The following ZDHHC2 variants were observed in gnomAD, a reference collection of about 807,000 sequenced individuals.
The protein encoded by ZDHHC2 is palmitoyltransferase ZDHHC2.
A neutral mutation model predicts 55.6 loss-of-function variants in ZDHHC2; 51 were observed. The ratio of observed to expected loss-of-function variants is 0.92; its 90% CI spans 0.73 to 1.16. ZDHHC2 has a LOEUF of 1.16. ZDHHC2 is among the 50% of genes most tolerant of loss of function. ZDHHC2 has a pLI of 0.00. For synonymous variants in ZDHHC2, 199 were observed against 152.9 expected (o/e 1.30, Z -2.22); for missense variants, 491 against 442.4 (o/e 1.11, Z -0.99).
rs1017954650 is a variant in ZDHHC2 at position 17,208,121 on chromosome 8, A to T, written c.730+29A>T. ...AGTATCCAATTATTGTAGTTGACAG[A>T]ACTTTAAATACGTATACCAACATTC... On this transcript the variant is annotated intron_variant, in intron 8 of 12. Transcript: ENST00000262096. 4 of 1,521,426 alleles carry T rather than the reference A, an allele frequency of 2.6e-6. No individual in the cohort carries two copies. In the African/African-American group the frequency reaches 4.1e-5, roughly 16 times the overall value. The allele number at this position is 1,521,426 out of a possible 1,614,324, so 94.2% of individuals were successfully genotyped here. A position where few individuals can be genotyped will look rare whatever the true frequency, so the allele number is the denominator to read the frequency against.
intron 12 of ZDHHC2, among the ~76,000 whole-genome samples, chr8:17,218,677 A>C (rs1440694024): frequency 6.6e-6 from 1 of 152,192 alleles, no homozygotes; most frequent in Non-Finnish European, 1.5e-5. Context: ...GATTTTATTA[A>C]TTCAAATATG....
intron 1 of ZDHHC2, among the ~76,000 whole-genome samples, chr8:17,165,011 AT>A (rs1443748398): frequency 6.6e-6 from 1 of 152,152 alleles, no homozygotes; most frequent in Non-Finnish European, 1.5e-5. Context: ...TTTTCACCAG[AT>A]TTGTAGGGAT....
intron 1 of ZDHHC2, among the ~76,000 whole-genome samples, chr8:17,171,264 C>T (rs976626633): frequency 2.0e-5 from 3 of 152,166 alleles, no homozygotes; most frequent in Admixed American, 2.0e-4. Context: ...TACAGCTGCC[C>T]TCAAATCTGC....
chr8:17,207,558 G>A (rs1485583761), intron 7 of ZDHHC2, among the ~76,000 whole-genome samples: 1 of 151,928 alleles, frequency 6.6e-6, no homozygotes, highest in Non-Finnish European at 1.5e-5. Context: ...TTCATTTTCT[G>A]GCATTATAAT....
intron 9 of ZDHHC2, 39 bp downstream of exon 9, chr8:17,210,097 A>G (rs1807302726): frequency 6.4e-7 from 1 of 1,556,754 alleles, no homozygotes; most frequent in Non-Finnish European, 8.7e-7. Context: ...TAAACTAATG[A>G]AAATAATACA....
chr8:17,177,029 A>C (rs1805172787), intron 1 of ZDHHC2, among the ~76,000 whole-genome samples: 1 of 152,214 alleles, frequency 6.6e-6, no homozygotes, highest in Non-Finnish European at 1.5e-5. Context: ...TTTGACCTCT[A>C]ATACACTAAA....
At chr8:17,212,951 C>G (rs761333351) in intron 10 of ZDHHC2, among the ~76,000 whole-genome samples, 1 of 152,142 alleles carries the variant, frequency 6.6e-6, no homozygotes, top group Non-Finnish European at 1.5e-5. Flanking sequence ...CAGCCTCACA[C>G]TCCTGGGCTC....
intron 6 of ZDHHC2, among the ~76,000 whole-genome samples, chr8:17,200,805 C>G (rs1036077712): frequency 2.0e-5 from 3 of 152,196 alleles, no homozygotes; most frequent in African/African-American, 7.2e-5. Context: ...CATGCCTACA[C>G]ACCACCTGCT....
chr8:17,186,486 T>C (rs1201372015), intron 3 of ZDHHC2, 61 bp downstream of exon 3: 12 of 993,672 alleles, frequency 1.2e-5, no homozygotes, highest in South Asian at 2.1e-5. Context: ...TGATGTATTA[T>C]TGAAGAACGA....
intron 1 of ZDHHC2, among the ~76,000 whole-genome samples, chr8:17,183,336 G>A (rs1805530467): frequency 6.6e-6 from 1 of 152,190 alleles, no homozygotes; most frequent in Non-Finnish European, 1.5e-5. Flanking sequence ...AGAAAGAAAT[G>A]CATACCTGTG....
intron 3 of ZDHHC2, among the ~76,000 whole-genome samples, chr8:17,195,210 A>C (rs1806244483): frequency 6.6e-6 from 1 of 152,158 alleles, no homozygotes; most frequent in South Asian, 2.1e-4. Context: ...ATTTTGTTGG[A>C]ACTCTACGGT....
At chr8:17,217,352 T>C (rs142257332) in intron 12 of ZDHHC2, 106 bp downstream of exon 12, 7 of 832,380 alleles carry the variant, frequency 8.4e-6, no homozygotes, top group East Asian at 5.8e-5. Flanking sequence ...GTGATTCATA[T>C]AGAAGATCTT....
chr8:17,166,688 G>GAGC (rs1251040463), intron 1 of ZDHHC2, among the ~76,000 whole-genome samples: 5 of 152,136 alleles, frequency 3.3e-5, no homozygotes, highest in African/African-American at 1.2e-4. Flanking sequence ...GACTGAGAAG[G>GAGC]AGCGCCCAAT....
At chr8:17,171,231 T>C (rs1051557783) in intron 1 of ZDHHC2, among the ~76,000 whole-genome samples, 2 of 152,192 alleles carry the variant, frequency 1.3e-5, no homozygotes, top group Non-Finnish European at 2.9e-5. Flanking sequence ...CATACAACTC[T>C]ATCTAAACAG....
At chr8:17,199,796 G>A (rs1806646056) in intron 6 of ZDHHC2, among the ~76,000 whole-genome samples, 1 of 130,050 alleles carries the variant, frequency 7.7e-6, no homozygotes, top group South Asian at 2.4e-4. Flanking sequence ...GTCTCGCTCT[G>A]TCGCCCAGGC....
Position 17,203,511 on chromosome 8 carries a change from GGCGTCA to G in ZDHHC2, c.477-2141_477-2136del, listed in dbSNP as rs572126806. On this transcript the variant is annotated intron_variant, in intron 6 of 12. Transcript: ENST00000262096. ...GGCCCCCTAAAGTGCTGGGATTACA[GGCGTCA>G]GCCACCACGCCCACCCATATTGTCC... Among the ~76,000 whole-genome samples the G allele has an allele frequency of 9.2e-5, 14 of 152,238 alleles. No homozygotes were observed. In the East Asian group the frequency reaches 2.7e-3, roughly 30 times the overall value.
chr8:17,209,837 A>G (rs1807288176), intron 8 of ZDHHC2, 95 bp from the exon 9 acceptor site: 5 of 1,390,842 alleles, frequency 3.6e-6, no homozygotes, highest in East Asian at 2.6e-5. Flanking sequence ...ATTGATTTTC[A>G]GAGTTTCTTC....
intron 11 of ZDHHC2, among the ~76,000 whole-genome samples, chr8:17,216,778 G>A (rs1283653036): frequency 6.6e-6 from 1 of 152,060 alleles, no homozygotes; most frequent in Non-Finnish European, 1.5e-5. Flanking sequence ...ATGATGTATA[G>A]GAAGGAAAAG....
chr8:17,206,940 G>A (rs1017625916), intron 7 of ZDHHC2, among the ~76,000 whole-genome samples: 1 of 152,184 alleles, frequency 6.6e-6, no homozygotes, highest in African/African-American at 2.4e-5. Flanking sequence ...AAAGACATGA[G>A]TGAAGAGACC....
Sources: gnomAD v4.1 joint callset for allele counts (sites outside exome capture counted in the v4.1 genomes callset) on GRCh38, gnomAD v4.1.1 for gene constraint, MANE v1.5 for transcripts, NCBI Gene and HGNC (gene_info 2026-07-23, HGNC 2026-07-21) for gene names.